Variants in BMP6 observed in about 807,000 individuals in gnomAD.
BMP6 encodes VG-1-R.
Under a neutral mutation model 54.1 loss-of-function variants are expected in BMP6, and 17 were observed. That is an observed-to-expected ratio of 0.31 (90% CI 0.22 to 0.47). The LOEUF (loss-of-function observed/expected upper bound fraction) is 0.47. BMP6 is among the 20% of genes least tolerant of loss of function. BMP6 has a pLI of 1.00. For synonymous variants in BMP6, 328 were observed against 291.2 expected, an observed-to-expected ratio of 1.13 and a Z score of -1.28; for missense variants, 720 against 690.4, an observed-to-expected ratio of 1.04 and a Z score of -0.48.
At position 7,747,802 on chromosome 6, in the gene BMP6, T is replaced by C. The variant is rs559993162; in HGVS notation, c.664+20183T>C. ...GCTGAGAGTACAGGCATGCACTACC[T>C]TGACTAGCTAATTTTTTTTTTTTTG... On this transcript the variant is annotated intron_variant, in intron 1 of 6. Transcript: ENST00000283147. Among the ~76,000 whole-genome samples, 3 of 151,890 alleles carry C rather than the reference T, an allele frequency of 2.0e-5. No homozygotes were observed. In the South Asian group the frequency reaches 6.2e-4, roughly 32 times the overall value.
intron 2 of BMP6, among the ~76,000 whole-genome samples, chr6:7,858,688 C>T (rs1759285935): frequency 1.3e-5 from 2 of 151,622 alleles, no homozygotes; most frequent in Admixed American, 1.3e-4. Flanking sequence ...TTCTGGCTGT[C>T]CTGAGGAATA....
intron 1 of BMP6, among the ~76,000 whole-genome samples, chr6:7,729,316 C>T (rs1321327548): frequency 6.6e-6 from 1 of 151,456 alleles, no homozygotes; most frequent in East Asian, 1.9e-4. Flanking sequence ...TCCTTCCACC[C>T]TCACCCCCCG....
chr6:7,788,247 AT>A (rs1758046080), intron 1 of BMP6, among the ~76,000 whole-genome samples: 1 of 152,242 alleles, frequency 6.6e-6, no homozygotes, highest in Non-Finnish European at 1.5e-5. Flanking sequence ...GGTAGTAATT[AT>A]TTGAGGGCAT....
chr6:7,822,421 G>A (rs1758625583), intron 1 of BMP6, among the ~76,000 whole-genome samples: 1 of 152,184 alleles, frequency 6.6e-6, no homozygotes, highest in South Asian at 2.1e-4. Flanking sequence ...TTTGTTCACT[G>A]GATCAGGTCC....
chr6:7,754,480 G>A (rs959865443), intron 1 of BMP6, among the ~76,000 whole-genome samples: 4 of 152,098 alleles, frequency 2.6e-5, no homozygotes, highest in African/African-American at 4.8e-5. Flanking sequence ...CTATAATTAA[G>A]GATTTGTCTA....
At chr6:7,754,406 G>A (rs1350060154) in intron 1 of BMP6, among the ~76,000 whole-genome samples, 2 of 152,150 alleles carry the variant, frequency 1.3e-5, no homozygotes, top group South Asian at 2.1e-4. Context: ...ACCACGCCCA[G>A]CCCAAATCTT....
At chr6:7,867,210 C>T (rs1219173524) in intron 4 of BMP6, among the ~76,000 whole-genome samples, 1 of 152,138 alleles carries the variant, frequency 6.6e-6, no homozygotes, top group East Asian at 1.9e-4. Context: ...CTCCTTTTCC[C>T]ACCCCCAAAC....
intron 1 of BMP6, among the ~76,000 whole-genome samples, chr6:7,804,284 C>CTT (rs35888811): frequency 0.013 from 1,872 of 149,406 alleles, 37 homozygotes; most frequent in African/African-American, 0.042. Context: ...GTTAAAGTAA[C>CTT]TTTTTTTTTT....
chr6:7,729,336 C>G (rs1475486937), intron 1 of BMP6, among the ~76,000 whole-genome samples: 1 of 151,764 alleles, frequency 6.6e-6, no homozygotes, highest in Non-Finnish European at 1.5e-5. Flanking sequence ...GCCCCCACCC[C>G]GCCTCCAGGT....
chr6:7,814,709 G>C (rs1758499202), intron 1 of BMP6, among the ~76,000 whole-genome samples: 1 of 152,124 alleles, frequency 6.6e-6, no homozygotes, highest in South Asian at 2.1e-4. Context: ...TAAGTATGTA[G>C]CTTGATCTTA....
intron 1 of BMP6, among the ~76,000 whole-genome samples, chr6:7,732,473 C>T (rs1273633750): frequency 6.6e-6 from 1 of 152,148 alleles, no homozygotes; most frequent in Admixed American, 6.5e-5. Context: ...ATGGTTAGTT[C>T]CTCTATTTGA....
Position 7,845,720 on chromosome 6 carries a change from T to C in BMP6, c.857+388T>C, listed in dbSNP as rs75727134. ...TGTAAGTGATAATAATTCCAGTGAA[T>C]ACAAGGCAGTGTATTTGTGCACATA... On this transcript the variant is annotated intron_variant, in intron 2 of 6. Transcript: ENST00000283147. 6.7e-3 allele frequency among the ~76,000 whole-genome samples: 1,013 copies of C among 152,264 alleles called. 7 individuals are homozygous for C. Among genetic ancestry groups the C allele is most frequent in the South Asian group, 0.011 (53 of 4,828 alleles).
intron 1 of BMP6, among the ~76,000 whole-genome samples, chr6:7,754,843 G>T (rs373863221): frequency 1.3e-5 from 2 of 152,014 alleles, no homozygotes; most frequent in African/African-American, 4.8e-5. Flanking sequence ...TCAGCCCCCT[G>T]AGTAGCTGGG....
intron 1 of BMP6, 98 bp downstream of exon 1, chr6:7,727,717 G>T: frequency 7.5e-7 from 1 of 1,332,174 alleles, no homozygotes. Context: ...CTCCCGGCGC[G>T]CGGGTCCCGC....
At chr6:7,803,508 C>G (rs1758302716) in intron 1 of BMP6, among the ~76,000 whole-genome samples, 1 of 152,156 alleles carries the variant, frequency 6.6e-6, no homozygotes, top group African/African-American at 2.4e-5. Flanking sequence ...ACCTTAAGCT[C>G]TAACCTAATG....
chr6:7,845,008 A>G (rs1759038249), intron 1 of BMP6, 132 bp from the exon 2 acceptor site: 1 of 786,504 alleles, frequency 1.3e-6, no homozygotes. Context: ...TCTGTTCACT[A>G]CCCGATCCCC....
intron 1 of BMP6, among the ~76,000 whole-genome samples, chr6:7,821,701 T>C (rs898793604): frequency 3.3e-5 from 5 of 152,168 alleles, no homozygotes; most frequent in Non-Finnish European, 7.3e-5. Flanking sequence ...GGTATAGTAA[T>C]GGTGACTACC....
intron 1 of BMP6, among the ~76,000 whole-genome samples, chr6:7,820,457 A>G (rs139118621): frequency 1.3e-5 from 2 of 152,290 alleles, no homozygotes; most frequent in Non-Finnish European, 2.9e-5. Flanking sequence ...ATGACTGCGC[A>G]TTGGCTCTTT....
intron 1 of BMP6, among the ~76,000 whole-genome samples, chr6:7,742,302 G>C (rs1299451073): frequency 1.3e-5 from 2 of 152,138 alleles, no homozygotes; most frequent in Admixed American, 1.3e-4. Flanking sequence ...AAGACATGCC[G>C]CTGAGTCTCA....
Sources: gnomAD v4.1 joint callset for allele counts (sites outside exome capture counted in the v4.1 genomes callset) on GRCh38, gnomAD v4.1.1 for gene constraint, MANE v1.5 for transcripts, NCBI Gene and HGNC (gene_info 2026-07-23, HGNC 2026-07-21) for gene names.